SLC35F3: variants seen among roughly 807,000 people sequenced by gnomAD.
The protein encoded by SLC35F3 is solute carrier family 35 member F3.
SLC35F3 carries 25 observed loss-of-function variants against 49.9 expected under a neutral mutation model. That is an observed-to-expected ratio of 0.50 (90% CI 0.37 to 0.70). The LOEUF is 0.70. Ranked by LOEUF, SLC35F3 falls within the 30% of genes least tolerant of loss-of-function variation. SLC35F3 has a pLI of 0.00. For synonymous variants in SLC35F3, 275 were observed against 265.4 expected (o/e 1.04, Z -0.35); for missense variants, 525 against 639.8 (o/e 0.82, Z 1.94).
chr1:234,262,258 G>A (rs1481411832), intron 3 of SLC35F3, among the ~76,000 whole-genome samples: 1 of 152,230 alleles, frequency 6.6e-6, no homozygotes. Context: ...AGCAGGGGGA[G>A]AGCCCTGCTG....
At chr1:234,305,093 TG>T (rs1304944550) in intron 3 of SLC35F3, among the ~76,000 whole-genome samples, 3 of 152,224 alleles carry the variant, frequency 2.0e-5, no homozygotes, top group African/African-American at 7.2e-5. Context: ...TCTAGAATTG[TG>T]GGAATGGCAA....
chr1:233,961,605 C>T (rs1014697324), intron 2 of SLC35F3, among the ~76,000 whole-genome samples: 2 of 152,014 alleles, frequency 1.3e-5, no homozygotes, highest in African/African-American at 4.8e-5. Flanking sequence ...AACAGGCGCA[C>T]ACCACCACAC....
At chr1:234,291,273 T>C (rs1040903428) in intron 3 of SLC35F3, among the ~76,000 whole-genome samples, 1 of 152,194 alleles carries the variant, frequency 6.6e-6, no homozygotes, top group African/African-American at 2.4e-5. Context: ...CTTGTTAAAA[T>C]GCAGATTTTG....
At chr1:233,914,475 T>C (rs1196440067) in intron 2 of SLC35F3, among the ~76,000 whole-genome samples, 2 of 152,162 alleles carry the variant, frequency 1.3e-5, no homozygotes, top group African/African-American at 4.8e-5. Flanking sequence ...ACAGCCTTCT[T>C]CCTGCTAAGT....
At chr1:234,203,089 G>A (rs1666923513) in intron 2 of SLC35F3, among the ~76,000 whole-genome samples, 2 of 152,070 alleles carry the variant, frequency 1.3e-5, no homozygotes, top group Admixed American at 1.3e-4. Context: ...TTCATTACCA[G>A]CATGTTCTGA....
chr1:234,292,921 G>A (rs771045269), intron 3 of SLC35F3, among the ~76,000 whole-genome samples: 1 of 152,112 alleles, frequency 6.6e-6, no homozygotes, highest in Non-Finnish European at 1.5e-5. Flanking sequence ...ACTGATTTTT[G>A]ACTGTGAAAG....
At chr1:233,986,235 A>G (rs1017143692) in intron 2 of SLC35F3, among the ~76,000 whole-genome samples, 3 of 152,128 alleles carry the variant, frequency 2.0e-5, no homozygotes, top group Non-Finnish European at 4.4e-5. Flanking sequence ...TTATAAAATA[A>G]TACATGTATC....
intron 2 of SLC35F3, among the ~76,000 whole-genome samples, chr1:234,149,363 C>T (rs767989346): frequency 5.9e-5 from 9 of 152,222 alleles, no homozygotes; most frequent in Non-Finnish European, 1.0e-4. Flanking sequence ...TAATCTTTCT[C>T]ACAGCGCCCA....
chr1:233,962,506 A>G (rs746155438), intron 2 of SLC35F3, among the ~76,000 whole-genome samples: 10 of 152,208 alleles, frequency 6.6e-5, no homozygotes, highest in African/African-American at 1.7e-4. Context: ...ATTAAGTCCA[A>G]TGGAATCTTG....
At chr1:234,234,746 G>A (rs1667436519) in intron 3 of SLC35F3, among the ~76,000 whole-genome samples, 1 of 152,152 alleles carries the variant, frequency 6.6e-6, no homozygotes, top group Admixed American at 6.5e-5. Context: ...CATGACGGGA[G>A]GCTCCGTGGG....
At chr1:233,966,192 A>T (rs1257001516) in intron 2 of SLC35F3, among the ~76,000 whole-genome samples, 1 of 152,250 alleles carries the variant, frequency 6.6e-6, no homozygotes, top group Non-Finnish European at 1.5e-5. Context: ...AAGTACCAAG[A>T]TAGCAAAAGT....
chr1:233,925,125 G>C (rs1662134968), intron 2 of SLC35F3, among the ~76,000 whole-genome samples: 2 of 152,198 alleles, frequency 1.3e-5, no homozygotes, highest in Admixed American at 1.3e-4. Context: ...TTGGGGTGGA[G>C]GGTTCTGTAG....
intron 2 of SLC35F3, among the ~76,000 whole-genome samples, chr1:233,968,103 C>T (rs182339005): frequency 1.7e-4 from 26 of 152,242 alleles, no homozygotes; most frequent in African/African-American, 4.8e-4. Context: ...GAGAATCTGT[C>T]GCATGCCTCT....
At chr1:234,227,801 C>T (rs997268670) in intron 2 of SLC35F3, among the ~76,000 whole-genome samples, 7 of 152,174 alleles carry the variant, frequency 4.6e-5, no homozygotes, top group African/African-American at 1.7e-4. Context: ...AAGTTTCCTA[C>T]ACTTAGAAGA....
intron 2 of SLC35F3, among the ~76,000 whole-genome samples, chr1:234,131,426 A>T (rs1390854675): frequency 6.6e-6 from 1 of 152,162 alleles, no homozygotes; most frequent in Non-Finnish European, 1.5e-5. Context: ...CACCAAACTC[A>T]TGAGCCCCTC....
chr1:233,966,404 CAT>C (rs1179579150), intron 2 of SLC35F3, among the ~76,000 whole-genome samples: 1 of 152,002 alleles, frequency 6.6e-6, no homozygotes. Context: ...AGTGAGGCCC[CAT>C]CTGGATGAGT....
chr1:234,179,728 AC>A (rs145958553), intron 2 of SLC35F3, among the ~76,000 whole-genome samples: 20,896 of 152,154 alleles, frequency 0.14, 3,628 homozygotes, highest in East Asian at 0.88. Flanking sequence ...TTGAATTTTT[AC>A]CAATTATGTT....
intron 2 of SLC35F3, among the ~76,000 whole-genome samples, chr1:234,050,107 T>C (rs910619435): frequency 2.0e-5 from 3 of 152,194 alleles, no homozygotes; most frequent in Non-Finnish European, 4.4e-5. Context: ...TACGTGTGCA[T>C]GTGTCTTTAT....
At chr1:233,974,560 A>G (rs1663048131) in intron 2 of SLC35F3, among the ~76,000 whole-genome samples, 1 of 152,136 alleles carries the variant, frequency 6.6e-6, no homozygotes, top group African/African-American at 2.4e-5. Flanking sequence ...AGCAAAGTCA[A>G]GTTTTCTCAT....
Sources: gnomAD v4.1 joint callset for allele counts (sites outside exome capture counted in the v4.1 genomes callset) on GRCh38, gnomAD v4.1.1 for gene constraint, MANE v1.5 for transcripts, NCBI Gene and HGNC (gene_info 2026-07-23, HGNC 2026-07-21) for gene names.